ACSL4: variants seen among roughly 807,000 people sequenced by gnomAD.
ACSL4 encodes acyl-CoA synthetase long chain family member 4.
A neutral mutation model predicts 49.1 loss-of-function variants in ACSL4; 9 were observed. That is an observed-to-expected ratio of 0.18 (90% CI 0.11 to 0.32). ACSL4 has a LOEUF of 0.32. ACSL4 is among the 10% of genes least tolerant of loss of function. The pLI, the probability that ACSL4 is intolerant of heterozygous loss-of-function variation, is 1.00. For missense variants in ACSL4, 333 were observed against 493.7 expected (o/e 0.67, Z 3.08); for synonymous variants, 191 against 170.3 (o/e 1.12, Z -0.95).
intron 2 of ACSL4, among the ~76,000 whole-genome samples, chrX:109,688,252 G>A (rs1027535924): frequency 2.7e-5 from 3 of 111,839 alleles, no homozygotes; most frequent in Non-Finnish European, 5.6e-5. Context: ...GCCACATGCT[G>A]TTTTCTCTCC....
intron 1 of ACSL4, among the ~76,000 whole-genome samples, chrX:109,732,715 G>A (rs1240449938): frequency 9.0e-6 from 1 of 111,612 alleles, no homozygotes; most frequent in African/African-American, 3.3e-5. Flanking sequence ...CAGAGCGACT[G>A]GGAGGGGACA....
rs979798227 is a variant in ACSL4, at chrX:109,672,787, C to G, written c.1002+1615G>C. On this transcript the variant is annotated intron_variant, in intron 9 of 15. Coordinates refer to ENST00000672401, the MANE Select transcript of ACSL4 (RefSeq NM_001318510.2). Reference sequence around the variant, plus strand: ...AGACATAAGACAAGTGTCATTGGAACCTGGATGAGGACTCTAGCCATGGGA... The same window carrying G: ...AGACATAAGACAAGTGTCATTGGAAGCTGGATGAGGACTCTAGCCATGGGA... Among the ~76,000 whole-genome samples, 16 of 109,869 alleles carry G rather than the reference C, an allele frequency of 1.5e-4. 1 individual carries two copies. The highest frequency in any genetic ancestry group is 5.3e-4 in the African/African-American group (16 of 30,130).
At chrX:109,669,426 C>T (rs1483359499) in intron 9 of ACSL4, among the ~76,000 whole-genome samples, 2 of 104,543 alleles carry the variant, frequency 1.9e-5, no homozygotes, top group Non-Finnish European at 3.9e-5. Flanking sequence ...CGGAGTCTCA[C>T]TCTGCTGCCC....
At chrX:109,686,262 G>A (rs1367769966) in intron 2 of ACSL4, among the ~76,000 whole-genome samples, 2 of 111,690 alleles carry the variant, frequency 1.8e-5, no homozygotes, top group Non-Finnish European at 3.8e-5. Flanking sequence ...CCACAGTATA[G>A]AACACGGACC....
chrX:109,654,965 T>C (rs1374798620), intron 15 of ACSL4, among the ~76,000 whole-genome samples: 1 of 111,164 alleles, frequency 9.0e-6, no homozygotes, highest in Non-Finnish European at 1.9e-5. Context: ...TGCTCTCCCA[T>C]CCCCCTCAAT....
intron 1 of ACSL4, among the ~76,000 whole-genome samples, chrX:109,702,202 C>T (rs2147497261): frequency 9.0e-6 from 1 of 110,779 alleles, no homozygotes; most frequent in African/African-American, 3.3e-5. Flanking sequence ...GCGACAATGG[C>T]AAACCTCTGT....
At chrX:109,660,228 C>T (rs1038207039) in intron 14 of ACSL4, among the ~76,000 whole-genome samples, 2 of 110,978 alleles carry the variant, frequency 1.8e-5, no homozygotes, top group South Asian at 3.7e-4. Context: ...ATATAATTTC[C>T]ACAACTCAGT....
chrX:109,647,951 AC>A (rs1934806706), intron 15 of ACSL4, among the ~76,000 whole-genome samples: 1 of 111,506 alleles, frequency 9.0e-6, no homozygotes, highest in Non-Finnish European at 1.9e-5. Context: ...CTGGACACAT[AC>A]ACCCTCCCAA....
intron 13 of ACSL4, among the ~76,000 whole-genome samples, chrX:109,662,122 C>T (rs780013383): frequency 9.0e-6 from 1 of 111,174 alleles, no homozygotes; most frequent in African/African-American, 3.3e-5. Flanking sequence ...ATATAGAACA[C>T]ATTTAACACA....
intron 1 of ACSL4, among the ~76,000 whole-genome samples, chrX:109,718,751 G>GAAAAAAAAAA (rs1228132229): frequency 4.2e-5 from 2 of 48,079 alleles, no homozygotes; most frequent in African/African-American, 1.9e-4. Context: ...CCTGTCTCAA[G>GAAAAAAAAAA]AAAAAAAAAA....
chrX:109,679,798 C>T (rs1277114574), intron 6 of ACSL4, among the ~76,000 whole-genome samples: 4 of 112,185 alleles, frequency 3.6e-5, no homozygotes, highest in Non-Finnish European at 5.6e-5. Context: ...ATTATGAAGA[C>T]TGCTGACCCC....
intron 1 of ACSL4, among the ~76,000 whole-genome samples, chrX:109,701,219 A>AT (rs577429652): frequency 6.4e-4 from 66 of 103,449 alleles, no homozygotes; most frequent in African/African-American, 1.4e-3. Context: ...ACACACATAC[A>AT]TTTTTTTTTT....
At chrX:109,710,677 A>G (rs1166508920) in intron 1 of ACSL4, among the ~76,000 whole-genome samples, 11 of 112,040 alleles carry the variant, frequency 9.8e-5, no homozygotes, top group African/African-American at 3.6e-4. Context: ...TTAATAAGTT[A>G]TGTTCACCCT....
At chrX:109,676,794 A>G (rs977116202) in intron 8 of ACSL4, among the ~76,000 whole-genome samples, 2 of 111,790 alleles carry the variant, frequency 1.8e-5, no homozygotes, top group Non-Finnish European at 3.8e-5. Context: ...TAGTATGGTG[A>G]GCTGAGACTA....
At chrX:109,670,211 A>G (rs1160339864) in intron 9 of ACSL4, among the ~76,000 whole-genome samples, 1 of 112,246 alleles carries the variant, frequency 8.9e-6, no homozygotes, top group Non-Finnish European at 1.9e-5. Flanking sequence ...AAGGTATGCT[A>G]TAATGAATAA....
intron 1 of ACSL4, among the ~76,000 whole-genome samples, chrX:109,721,743 AAAAAG>A (rs752874373): frequency 1.9e-3 from 205 of 110,786 alleles, no homozygotes; most frequent in Non-Finnish European, 3.1e-3. Flanking sequence ...AAAAAAAACA[AAAAAG>A]AAAAGAAAAG....
intron 1 of ACSL4, among the ~76,000 whole-genome samples, chrX:109,723,222 T>C (rs1243149830): frequency 9.0e-6 from 1 of 111,439 alleles, no homozygotes; most frequent in African/African-American, 3.3e-5. Flanking sequence ...ATACCTACTA[T>C]CAAAATAGTA....
chrX:109,715,554 C>T (rs1286631624), intron 1 of ACSL4, among the ~76,000 whole-genome samples: 3 of 110,431 alleles, frequency 2.7e-5, no homozygotes, highest in African/African-American at 9.9e-5. Context: ...GCAGGAGGAT[C>T]GCTTGAACCC....
At chrX:109,689,632 C>T (rs1007359771) in intron 2 of ACSL4, among the ~76,000 whole-genome samples, 9 of 112,229 alleles carry the variant, frequency 8.0e-5, no homozygotes, top group African/African-American at 2.3e-4. Context: ...AAGACATCTA[C>T]GTAGCTTATT....
Sources: gnomAD v4.1 joint callset for allele counts (sites outside exome capture counted in the v4.1 genomes callset) on GRCh38, gnomAD v4.1.1 for gene constraint, MANE v1.5 for transcripts, NCBI Gene and HGNC (gene_info 2026-07-23, HGNC 2026-07-21) for gene names.